The following SLIT3 variants were observed in gnomAD, a reference collection of about 807,000 sequenced individuals.
The protein encoded by SLIT3 is slit guidance ligand 3, also known as slit homolog 3 protein.
Under a neutral mutation model 184.0 loss-of-function variants are expected in SLIT3, and 68 were observed. That is an observed-to-expected ratio of 0.37 (90% CI 0.30 to 0.45). The LOEUF (loss-of-function observed/expected upper bound fraction) is 0.45. Ranked by LOEUF, SLIT3 falls within the 20% of genes least tolerant of loss-of-function variation. SLIT3 has a pLI of 1.00. For missense variants in SLIT3, 1,707 were observed against 2,026.0 expected (o/e 0.84, Z 3.02); for synonymous variants, 831 against 828.6 (o/e 1.00, Z -0.05).
intron 4 of SLIT3, among the ~76,000 whole-genome samples, chr5:169,087,781 G>A (rs191410411): frequency 1.2e-3 from 181 of 152,344 alleles, no homozygotes; most frequent in African/African-American, 4.0e-3. Flanking sequence ...AATGCCAGTA[G>A]TGACTGATGA....
intron 12 of SLIT3, among the ~76,000 whole-genome samples, chr5:168,778,301 G>T (rs557115828): frequency 4.6e-5 from 7 of 152,104 alleles, no homozygotes; most frequent in Admixed American, 1.3e-4. Flanking sequence ...CTCAACCAAG[G>T]TCCCCCAGCA....
At chr5:168,756,398 CT>C (rs933940037) in intron 16 of SLIT3, among the ~76,000 whole-genome samples, 3 of 152,248 alleles carry the variant, frequency 2.0e-5, no homozygotes, top group Non-Finnish European at 4.4e-5. Context: ...GAGGCCATGC[CT>C]GCGCTTGTGG....
intron 14 of SLIT3, among the ~76,000 whole-genome samples, chr5:168,763,791 A>G (rs1178092463): frequency 6.6e-6 from 1 of 152,164 alleles, no homozygotes; most frequent in East Asian, 1.9e-4. Context: ...TTCACACTCA[A>G]CATTTCACTA....
At chr5:168,794,299 C>T (rs80081068) in intron 10 of SLIT3, among the ~76,000 whole-genome samples, 1,828 of 152,254 alleles carry the variant, frequency 0.012, 19 homozygotes, top group Middle Eastern at 0.027. Flanking sequence ...AACTCGGTTA[C>T]TGGGCTCTAC....
chr5:168,993,640 TTC>T (rs965201228), intron 4 of SLIT3, among the ~76,000 whole-genome samples: 26 of 151,744 alleles, frequency 1.7e-4, no homozygotes, highest in Admixed American at 7.9e-4. Flanking sequence ...TGGAAAGAGT[TTC>T]TGTTTTCTCA....
intron 6 of SLIT3, among the ~76,000 whole-genome samples, chr5:168,825,877 TC>T (rs1757688173): frequency 6.6e-6 from 1 of 152,222 alleles, no homozygotes; most frequent in Non-Finnish European, 1.5e-5. Flanking sequence ...AAATGATCCC[TC>T]CATTTCACCT....
At chr5:168,817,536 T>A in intron 7 of SLIT3, 73 bp from the exon 8 acceptor site, 1 of 1,474,524 alleles carries the variant, frequency 6.8e-7, no homozygotes, top group Non-Finnish European at 9.4e-7. Context: ...CCAGACAGAG[T>A]GACCAAAACC....
intron 24 of SLIT3, 124 bp downstream of exon 24, chr5:168,712,159 G>C (rs1762579337): frequency 1.2e-6 from 1 of 801,314 alleles, no homozygotes; most frequent in Non-Finnish European, 2.2e-6. Flanking sequence ...ATACATAGTT[G>C]TATAATATAC....
intron 4 of SLIT3, among the ~76,000 whole-genome samples, chr5:169,055,297 A>G: frequency 6.6e-6 from 1 of 152,178 alleles, no homozygotes; most frequent in African/African-American, 2.4e-5. Context: ...TAATCATGTA[A>G]ATATTTTAGG....
intron 3 of SLIT3, among the ~76,000 whole-genome samples, chr5:169,243,042 C>G (rs754966431): frequency 2.0e-5 from 3 of 152,018 alleles, no homozygotes; most frequent in Non-Finnish European, 4.4e-5. Context: ...CCTGACCATT[C>G]TTTGACTCAG....
At chr5:169,291,664 G>A (rs377047841) in intron 1 of SLIT3, among the ~76,000 whole-genome samples, 2 of 152,260 alleles carry the variant, frequency 1.3e-5, no homozygotes, top group East Asian at 1.9e-4. Context: ...GCTTTGCCTC[G>A]AACAGGGGCT....
At chr5:168,884,516 C>T (rs780711633) in intron 4 of SLIT3, among the ~76,000 whole-genome samples, 15 of 72,828 alleles carry the variant, frequency 2.1e-4, no homozygotes, top group Non-Finnish European at 3.3e-4. Context: ...AAAAAAAAAA[C>T]GTTGCAGATC....
chr5:169,161,309 C>T (rs1348288244), intron 4 of SLIT3, among the ~76,000 whole-genome samples: 1 of 152,236 alleles, frequency 6.6e-6, no homozygotes, highest in Non-Finnish European at 1.5e-5. Context: ...ACTGCCTGCC[C>T]TCTCAGCTTC....
intron 4 of SLIT3, among the ~76,000 whole-genome samples, chr5:169,122,802 C>A (rs1760932707): frequency 6.6e-6 from 1 of 152,154 alleles, no homozygotes; most frequent in South Asian, 2.1e-4. Context: ...TCTCTCCCAG[C>A]CCATCCCCAT....
At chr5:168,870,014 G>C (rs55652021) in intron 5 of SLIT3, among the ~76,000 whole-genome samples, 1,604 of 152,342 alleles carry the variant, frequency 0.011, 28 homozygotes, top group African/African-American at 0.036. Context: ...CTCCGTGCCG[G>C]CACGGCAGGC....
chr5:169,186,379 C>CCATG (rs1354209664), intron 4 of SLIT3, among the ~76,000 whole-genome samples: 1 of 152,140 alleles, frequency 6.6e-6, no homozygotes, highest in Non-Finnish European at 1.5e-5. Flanking sequence ...ACTAATCCAG[C>CCATG]CAGCATCTTG....
intron 1 of SLIT3, among the ~76,000 whole-genome samples, chr5:169,280,701 G>A (rs1766966509): frequency 6.6e-6 from 1 of 152,180 alleles, no homozygotes; most frequent in African/African-American, 2.4e-5. Flanking sequence ...TCGGAATGCA[G>A]GGAGACTCTA....
intron 4 of SLIT3, among the ~76,000 whole-genome samples, chr5:169,098,640 G>A (rs545078804): frequency 5.3e-5 from 8 of 152,298 alleles, no homozygotes; most frequent in South Asian, 4.1e-4. Context: ...AAAAGTGGAC[G>A]AAGTGGATGA....
rs753320694 is a variant in SLIT3 at position 168,753,913 on chromosome 5, C to T, written c.1780G>A (p.Glu594Lys). ...CGGAACACGCGCCCGTGCACGGTCT[C>T]CAGCTGGTTCCCTGTCAGCATCAGC... Reference protein sequence around the residue: ...QELMLTGNQLETVHGRVFRGL... With the variant: ...QELMLTGNQLKTVHGRVFRGL... Residue 594 changes from glutamate (E) to lysine (K), a missense_variant, in exon 17 of 36, where the codon GAG (glutamate) becomes AAG (lysine). Transcript: ENST00000519560. The T allele has an allele frequency of 3.7e-6, 6 of 1,612,252 alleles. No individual in the cohort carries two copies. The East Asian group carries it at 1.3e-4, about 36-fold the overall frequency.
Sources: gnomAD v4.1 joint callset for allele counts (sites outside exome capture counted in the v4.1 genomes callset) on GRCh38, gnomAD v4.1.1 for gene constraint, MANE v1.5 for transcripts, NCBI Gene and HGNC (gene_info 2026-07-23, HGNC 2026-07-21) for gene names.